The following ST3GAL1 variants were observed in gnomAD, a reference collection of about 807,000 sequenced individuals.
ST3GAL1 encodes the protein ST3 beta-galactoside alpha-2,3-sialyltransferase 1, also known as CMP-N-acetylneuraminate-beta-galactosamide-alpha-2,3-sialyltransferase 1.
A neutral mutation model predicts 34.1 loss-of-function variants in ST3GAL1; 16 were observed. The ratio of observed to expected loss-of-function variants is 0.47; its 90% CI spans 0.32 to 0.71. ST3GAL1 has a LOEUF of 0.71. Ranked by LOEUF, ST3GAL1 falls within the 30% of genes least tolerant of loss-of-function variation. ST3GAL1 has a pLI of 0.04. For synonymous variants in ST3GAL1, 191 were observed against 184.7 expected (o/e 1.03, Z -0.28); for missense variants, 353 against 447.4 (o/e 0.79, Z 1.90).
chr8:133,504,941 G>C (rs369057259), intron 2 of ST3GAL1, among the ~76,000 whole-genome samples: 4 of 152,052 alleles, frequency 2.6e-5, no homozygotes, highest in Admixed American at 2.6e-4. Context: ...GAGAATCCAC[G>C]ATCTCGAAGT....
chr8:133,480,043 G>C (rs1045048336), intron 3 of ST3GAL1, among the ~76,000 whole-genome samples: 19 of 152,296 alleles, frequency 1.2e-4, no homozygotes, highest in African/African-American at 3.9e-4. Flanking sequence ...TGCATGTCAA[G>C]TGTGCGGTGA....
intron 1 of ST3GAL1, among the ~76,000 whole-genome samples, chr8:133,567,710 G>A (rs1027118436): frequency 2.0e-5 from 3 of 152,284 alleles, no homozygotes; most frequent in East Asian, 1.9e-4. Flanking sequence ...TGTGGGCTCC[G>A]AATGGTCCTG....
chr8:133,504,429 A>T (rs1817274428), intron 2 of ST3GAL1, among the ~76,000 whole-genome samples: 5 of 152,234 alleles, frequency 3.3e-5, no homozygotes, highest in Admixed American at 3.3e-4. Context: ...GAGTCATTTC[A>T]AAACATCTCC....
intron 2 of ST3GAL1, among the ~76,000 whole-genome samples, chr8:133,519,447 G>T (rs549966132): frequency 6.6e-6 from 1 of 152,278 alleles, no homozygotes; most frequent in African/African-American, 2.4e-5. Flanking sequence ...GCAAGCTACT[G>T]AGCAAATTCC....
At position 133,508,797 on chromosome 8, in the gene ST3GAL1, C is replaced by A. The variant is rs1817422114; in HGVS notation, c.-428-9608G>T. 6.6e-6 allele frequency among the ~76,000 whole-genome samples: 1 copy of A among 152,134 alleles called. No homozygotes were observed. The highest frequency in any genetic ancestry group is 6.5e-5 in the Admixed American group (1 of 15,278). ...GAGGAGTGAAATATATAGTCCCTCT[C>A]TGAAAGCTTGTGCATCATACAAAAC... is the stretch of plus-strand genomic sequence containing the variant. On this transcript the variant is annotated intron_variant, in intron 2 of 9. Transcript: ENST00000522652. This position sits in a 1 kb window ranked among gnomAD's most constrained non-coding sequence, Gnocchi z 4.1.
chr8:133,552,847 A>G (rs1345972508), intron 1 of ST3GAL1, among the ~76,000 whole-genome samples: 3 of 152,208 alleles, frequency 2.0e-5, no homozygotes, highest in African/African-American at 7.2e-5. Flanking sequence ...AGTACAGACA[A>G]TGAGGCCAAC....
In ST3GAL1 at chr8:133,536,912, G is replaced by T. The variant is rs555413971; in HGVS notation, c.-429+8862C>A. ...CTATCCTCTGCTCTCACACCCGAACGGTCAACACAGAAGACTTCTGTGCCC... is the reference window on the plus strand; with the variant it reads ...CTATCCTCTGCTCTCACACCCGAACTGTCAACACAGAAGACTTCTGTGCCC... On this transcript the variant is annotated intron_variant, in intron 2 of 9. Transcript: ENST00000522652. Among the ~76,000 whole-genome samples, 8 of 152,172 alleles carry T rather than the reference G, an allele frequency of 5.3e-5. No homozygotes were observed. In the East Asian group the frequency reaches 1.5e-3, roughly 29 times the overall value.
intron 1 of ST3GAL1, among the ~76,000 whole-genome samples, chr8:133,568,543 C>CTGGTGGA (rs887735273): frequency 1.3e-5 from 2 of 152,206 alleles, no homozygotes; most frequent in Non-Finnish European, 2.9e-5. Context: ...CACTGGAAAG[C>CTGGTGGA]TTTTACAAGA....
chr8:133,563,435 T>G (rs1244431937), intron 1 of ST3GAL1, among the ~76,000 whole-genome samples: 1 of 152,220 alleles, frequency 6.6e-6, no homozygotes, highest in Non-Finnish European at 1.5e-5. Context: ...GGCCATTGTT[T>G]TGGACTAAGT....
At chr8:133,517,976 G>A (rs1020641919) in intron 2 of ST3GAL1, among the ~76,000 whole-genome samples, 3 of 152,160 alleles carry the variant, frequency 2.0e-5, no homozygotes, top group African/African-American at 7.2e-5. Flanking sequence ...CCTTTGGTTG[G>A]CACCTAGTCA....
At position 133,556,444 on chromosome 8, in the gene ST3GAL1, A is replaced by G. The variant is rs1421759322; in HGVS notation, c.-581-10518T>C. 6.6e-6 allele frequency among the ~76,000 whole-genome samples: 1 copy of G among 152,166 alleles called. No homozygotes were observed. The highest frequency in any genetic ancestry group is 2.4e-5 in the African/African-American group (1 of 41,438). ...GCTTTCAGAGGAGTGAGATGCTGGC[A>G]GGCTGTACAGCTGTCCTCTGGGCCC... On this transcript the variant is annotated intron_variant, in intron 1 of 9. Coordinates refer to ENST00000522652, the MANE Select transcript of ST3GAL1 (RefSeq NM_173344.3). The surrounding 1 kb of genome is among the most constrained non-coding windows in gnomAD (Gnocchi z 8.9).
intron 1 of ST3GAL1, among the ~76,000 whole-genome samples, chr8:133,551,769 C>T (rs983134116): frequency 2.6e-5 from 4 of 152,156 alleles, no homozygotes; most frequent in African/African-American, 9.7e-5. Context: ...TAACAGATAA[C>T]ACTTAAACTA....
chr8:133,484,216 G>T (rs1344225060), intron 3 of ST3GAL1, among the ~76,000 whole-genome samples: 1 of 152,170 alleles, frequency 6.6e-6, no homozygotes, highest in Non-Finnish European at 1.5e-5. Flanking sequence ...TAGCTGAGAG[G>T]TCTTGGGTAG....
intron 1 of ST3GAL1, among the ~76,000 whole-genome samples, chr8:133,563,118 T>A (rs570837327): frequency 2.6e-5 from 4 of 152,280 alleles, no homozygotes; most frequent in African/African-American, 9.6e-5. Flanking sequence ...TCACTGTGTA[T>A]TCAAATGGAT....
In ST3GAL1 at chr8:133,556,638, G is replaced by A. The variant is rs192419430; in HGVS notation, c.-581-10712C>T. Among the ~76,000 whole-genome samples, 1 of 152,112 alleles carries A rather than the reference G, an allele frequency of 6.6e-6. No homozygotes were observed. On this transcript the variant is annotated intron_variant, in intron 1 of 9. Coordinates refer to ENST00000522652, the MANE Select transcript of ST3GAL1 (RefSeq NM_173344.3). This position sits in a 1 kb window ranked among gnomAD's most constrained non-coding sequence, Gnocchi z 8.9. ...TGAAGAAACGAAAGAAGAAAGGGAG[G>A]GAGAAAAAGAAGGAACGAAAATGGG...
At chr8:133,560,740 T>C (rs1182836191) in intron 1 of ST3GAL1, among the ~76,000 whole-genome samples, 1 of 152,198 alleles carries the variant, frequency 6.6e-6, no homozygotes, top group Non-Finnish European at 1.5e-5. Context: ...TTACGTTGCA[T>C]GGGGCCTGAG....
intron 1 of ST3GAL1, among the ~76,000 whole-genome samples, chr8:133,548,350 C>T (rs1818728510): frequency 1.3e-5 from 2 of 152,342 alleles, no homozygotes; most frequent in African/African-American, 2.4e-5. Context: ...TCACCCTTCA[C>T]ATTTCAGTGT....
intron 2 of ST3GAL1, among the ~76,000 whole-genome samples, chr8:133,531,805 TTAAAAA>T (rs1818162068): frequency 2.7e-5 from 2 of 74,832 alleles, no homozygotes; most frequent in South Asian, 6.6e-4. Flanking sequence ...ATCCCGAAAC[TTAAAAA>T]CAGAAAAAAA....
intron 2 of ST3GAL1, among the ~76,000 whole-genome samples, chr8:133,528,809 A>G (rs917877927): frequency 2.0e-5 from 3 of 152,234 alleles, no homozygotes; most frequent in African/African-American, 7.2e-5. Flanking sequence ...GGGTAGGACC[A>G]CATTTCCCCT....
Sources: gnomAD v4.1 joint callset for allele counts (sites outside exome capture counted in the v4.1 genomes callset) on GRCh38, gnomAD v4.1.1 for gene constraint, Gnocchi (gnomAD v3.1) non-coding constraint, MANE v1.5 for transcripts, NCBI Gene and HGNC (gene_info 2026-07-23, HGNC 2026-07-21) for gene names.